The following RHOBTB1 variants were observed in gnomAD, a reference collection of about 807,000 sequenced individuals.
RHOBTB1 encodes the protein rho-related BTB domain-containing protein 1.
A neutral mutation model predicts 71.6 loss-of-function variants in RHOBTB1; 40 were observed. That is an observed-to-expected ratio of 0.56 (90% CI 0.43 to 0.73). The LOEUF is 0.73. RHOBTB1 is among the 30% of genes least tolerant of loss of function. RHOBTB1 has a pLI of 0.00. For synonymous variants in RHOBTB1, 319 were observed against 334.9 expected, an observed-to-expected ratio of 0.95 and a Z score of 0.52; for missense variants, 797 against 894.0, an observed-to-expected ratio of 0.89 and a Z score of 1.38.
intron 5 of RHOBTB1, among the ~76,000 whole-genome samples, chr10:60,890,226 C>A (rs937722033): frequency 1.3e-5 from 2 of 151,890 alleles, no homozygotes; most frequent in African/African-American, 2.4e-5. Flanking sequence ...TTCTTTTTTC[C>A]TCCAATCCCT....
At chr10:60,902,763 A>G (rs569610214) in intron 4 of RHOBTB1, among the ~76,000 whole-genome samples, 2 of 152,306 alleles carry the variant, frequency 1.3e-5, no homozygotes, top group African/African-American at 4.8e-5. Flanking sequence ...TCTTATTACA[A>G]AAGGGCATAT....
chr10:60,943,763 C>T (rs1339595568), intron 1 of RHOBTB1, among the ~76,000 whole-genome samples: 2 of 152,000 alleles, frequency 1.3e-5, no homozygotes, highest in African/African-American at 4.8e-5. Context: ...TTGTGCTTGC[C>T]TCTGATGGGA....
intron 4 of RHOBTB1, among the ~76,000 whole-genome samples, chr10:60,903,384 C>T (rs1382824802): frequency 2.6e-5 from 4 of 152,066 alleles, no homozygotes; most frequent in African/African-American, 4.8e-5. Flanking sequence ...AGTAACCAAC[C>T]CCAGTGAGAG....
intron 2 of RHOBTB1, among the ~76,000 whole-genome samples, chr10:60,952,299 T>C (rs969728130): frequency 2.2e-4 from 33 of 152,172 alleles, no homozygotes; most frequent in Admixed American, 2.1e-3. Context: ...TTCACAAAGA[T>C]TACAGTGTCA....
intron 4 of RHOBTB1, 39 bp from the exon 5 acceptor site, chr10:60,893,034 A>G (rs1008467426): frequency 6.5e-7 from 1 of 1,531,700 alleles, no homozygotes; most frequent in African/African-American, 1.4e-5. Context: ...ATTGCCTTTT[A>G]ACAGGTTTTT....
At chr10:60,960,143 G>T (rs1057168836) in intron 2 of RHOBTB1, among the ~76,000 whole-genome samples, 1 of 152,118 alleles carries the variant, frequency 6.6e-6, no homozygotes, top group African/African-American at 2.4e-5. Context: ...AAACAGAAGG[G>T]TAGACATTCT....
At chr10:60,899,800 C>A (rs888526254) in intron 4 of RHOBTB1, among the ~76,000 whole-genome samples, 11 of 152,004 alleles carry the variant, frequency 7.2e-5, no homozygotes, top group African/African-American at 2.7e-4. Flanking sequence ...GACAGACAAT[C>A]AAGAAGAAAA....
At chr10:60,889,842 G>A (rs1379451617) in intron 5 of RHOBTB1, among the ~76,000 whole-genome samples, 1 of 152,194 alleles carries the variant, frequency 6.6e-6, no homozygotes, top group Non-Finnish European at 1.5e-5. Context: ...GCATGGCAAT[G>A]CTAAGCATAG....
intron 2 of RHOBTB1, among the ~76,000 whole-genome samples, chr10:60,975,727 A>G (rs1199708242): frequency 6.6e-6 from 1 of 152,102 alleles, no homozygotes; most frequent in African/African-American, 2.4e-5. Flanking sequence ...CAGTTTTTCC[A>G]TATAAGCATC....
chr10:60,953,778 A>G (rs1022852963), intron 2 of RHOBTB1, among the ~76,000 whole-genome samples: 1 of 152,166 alleles, frequency 6.6e-6, no homozygotes, highest in Non-Finnish European at 1.5e-5. Flanking sequence ...ATGATGAAAA[A>G]AAAAGCATAT....
At chr10:60,910,679 A>T (rs1471093549) in intron 4 of RHOBTB1, among the ~76,000 whole-genome samples, 2 of 152,232 alleles carry the variant, frequency 1.3e-5, no homozygotes, top group African/African-American at 4.8e-5. Context: ...TTTTCAACAC[A>T]GTACTTCCTC....
At chr10:60,909,599 G>T (rs1301546760) in intron 4 of RHOBTB1, among the ~76,000 whole-genome samples, 1 of 151,974 alleles carries the variant, frequency 6.6e-6, no homozygotes, top group Non-Finnish European at 1.5e-5. Context: ...TTACAAGCAG[G>T]TTCATTTATA....
intron 2 of RHOBTB1, among the ~76,000 whole-genome samples, chr10:60,981,454 C>A (rs1455818983): frequency 6.6e-6 from 1 of 152,144 alleles, no homozygotes; most frequent in African/African-American, 2.4e-5. Context: ...CAAGGTCACA[C>A]AGCTTGAAGG....
At chr10:60,917,781 C>T (rs929113202) in intron 2 of RHOBTB1, among the ~76,000 whole-genome samples, 6 of 152,078 alleles carry the variant, frequency 3.9e-5, no homozygotes, top group South Asian at 2.1e-4. Flanking sequence ...CCTATACACA[C>T]GCCACTCCTT....
chr10:60,906,763 T>C (rs1271695896), intron 4 of RHOBTB1, among the ~76,000 whole-genome samples: 7 of 152,142 alleles, frequency 4.6e-5, no homozygotes, highest in Non-Finnish European at 5.9e-5. Context: ...CTGAAGGTTC[T>C]CTGACCTGCA....
At position 60,871,564 on chromosome 10, in the gene RHOBTB1, C is replaced by G; in HGVS notation, c.2009G>C (p.Arg670Pro). The change falls in exon 11 of 11, where the codon CGA becomes CCA. Residue 670 changes from arginine to proline, a missense_variant. Physicochemically the swap from Arg to Pro is moderately radical, Grantham distance 103. Coordinates refer to ENST00000337910, the MANE Select transcript of RHOBTB1 (RefSeq NM_014836.5). The stretch of plus-strand genomic sequence containing the variant: ...ATTTAGTGCAATATCTTCCTTCTCT[C>G]GTTCCCTTTTCACACGCTGGTAGTG... The part of the protein sequence containing the change: ...EDHYQRVKRE[R>P]EKEDIALNKH... The G allele has an allele frequency of 6.2e-7, 1 of 1,614,086 alleles. No homozygotes were observed. The highest frequency in any genetic ancestry group is 8.5e-7 in the Non-Finnish European group (1 of 1,179,994).
At chr10:60,880,901 C>A (rs1401899756) in intron 7 of RHOBTB1, among the ~76,000 whole-genome samples, 1 of 152,168 alleles carries the variant, frequency 6.6e-6, no homozygotes, top group African/African-American at 2.4e-5. Context: ...AAATTTGTTT[C>A]TGTGTGTAGG....
downstream of RHOBTB1, among the ~76,000 whole-genome samples, chr10:60,865,581 T>C (rs753475438): frequency 1.5e-4 from 23 of 152,210 alleles, no homozygotes; most frequent in Non-Finnish European, 2.9e-4. Flanking sequence ...CTCATTGTAA[T>C]AGGTAACAAC....
downstream of RHOBTB1, among the ~76,000 whole-genome samples, chr10:60,867,042 C>T (rs7922313): frequency 0.15 from 22,403 of 152,076 alleles, 2,017 homozygotes; most frequent in African/African-American, 0.25. Context: ...ATTCACTAAG[C>T]ACTTATTATG....
Sources: gnomAD v4.1 joint callset for allele counts (sites outside exome capture counted in the v4.1 genomes callset) on GRCh38, gnomAD v4.1.1 for gene constraint, MANE v1.5 for transcripts, NCBI Gene and HGNC (gene_info 2026-07-23, HGNC 2026-07-21) for gene names.